Variants in RAD18 observed in about 807,000 individuals in gnomAD.
RAD18 encodes the protein RAD18 E3 ubiquitin protein ligase, also known as E3 ubiquitin-protein ligase RAD18.
In RAD18, 47 loss-of-function variants were observed where a neutral mutation model predicts 60.4. That is an observed-to-expected ratio of 0.78 (90% CI 0.62 to 0.99). RAD18 has a LOEUF of 0.99. RAD18 is among the 50% of genes least tolerant of loss of function. The pLI is 0.00. For missense variants in RAD18, 640 were observed against 593.3 expected (o/e 1.08, Z -0.82); for synonymous variants, 225 against 195.5 (o/e 1.15, Z -1.26).
intron 7 of RAD18, among the ~76,000 whole-genome samples, chr3:8,931,973 T>C (rs1334644807): frequency 6.6e-6 from 1 of 152,176 alleles, no homozygotes; most frequent in African/African-American, 2.4e-5. Flanking sequence ...CATTTGACAT[T>C]TACCTTCCAC....
At chr3:8,955,909 A>C (rs896732916) in intron 2 of RAD18, among the ~76,000 whole-genome samples, 4 of 152,182 alleles carry the variant, frequency 2.6e-5, no homozygotes, top group Non-Finnish European at 5.9e-5. Flanking sequence ...GGATGCCTAA[A>C]ACCACAGGTA....
In RAD18 at chr3:8,939,664, TAAAAAG is replaced by T; in HGVS notation, c.605-17_605-12del. On this transcript the variant is annotated splice_polypyrimidine_tract_variant and intron_variant, in intron 5 of 12. Transcript: ENST00000264926. ...AAACAGGACAATCCACTGTATTTTT[TAAAAAG>T]AAAAAGAGAGACTTTATTAATTGTA... 2 of 1,596,838 alleles carry T rather than the reference TAAAAAG, an allele frequency of 1.3e-6. No individual in the cohort carries two copies. Among genetic ancestry groups the T allele is most frequent in the Non-Finnish European group, 1.7e-6 (2 of 1,169,580 alleles).
chr3:8,913,527 C>T, intron 8 of RAD18, 117 bp downstream of exon 8: 1 of 678,436 alleles, frequency 1.5e-6, no homozygotes, highest in East Asian at 3.1e-5. Context: ...AATCATAATA[C>T]ACTAAGTGGA....
chr3:8,930,049 T>A (rs525708), intron 7 of RAD18, among the ~76,000 whole-genome samples: 1 of 151,998 alleles, frequency 6.6e-6, no homozygotes. Context: ...ATTACCATAC[T>A]ACTCAGCAAT....
Position 8,881,202 on chromosome 3 carries a change from C to T in RAD18, c.*155G>A, listed in dbSNP as rs1939455765. 1 of 627,966 alleles carries T rather than the reference C, an allele frequency of 1.6e-6. No individual in the cohort carries two copies. Among genetic ancestry groups the T allele is most frequent in the East Asian group, 3.0e-5 (1 of 33,094 alleles). The allele number at this position is 627,966 out of a possible 1,614,324, so 38.9% of individuals were successfully genotyped here. On this transcript the variant is annotated 3_prime_UTR_variant, in exon 13 of 13. Transcript: ENST00000264926. ...GTAAGGATATTTTGTAACATTTTTCCCCTCTGGAAAAGCAGAAAAGAATGA... is the reference window on the plus strand; with the variant it reads ...GTAAGGATATTTTGTAACATTTTTCTCCTCTGGAAAAGCAGAAAAGAATGA...
intron 10 of RAD18, among the ~76,000 whole-genome samples, chr3:8,899,255 T>G (rs1049066037): frequency 2.6e-5 from 4 of 152,176 alleles, no homozygotes; most frequent in African/African-American, 9.7e-5. Context: ...TTTTCCAAGA[T>G]TAATTAGTTT....
At chr3:8,925,396 C>T (rs190387510) in intron 7 of RAD18, among the ~76,000 whole-genome samples, 11,032 of 152,126 alleles carry the variant, frequency 0.073, 494 homozygotes, top group South Asian at 0.12. Flanking sequence ...CAATAACAGG[C>T]TCTGAAATTG....
chr3:8,879,644 C>T lies in RAD18; in HGVS notation c.*1713G>A, dbSNP rs1266210099. 6.6e-6 allele frequency: 1 copy of T among 152,332 alleles called. No individual in the cohort carries two copies. The highest frequency in any genetic ancestry group is 2.4e-5 in the African/African-American group (1 of 41,424). 9.4% of individuals were successfully genotyped at this position (152,332 alleles called of 1,614,324 possible). A position where few individuals can be genotyped will look rare whatever the true frequency, so the allele number is the denominator to read the frequency against. ...ACTGGTAGTACCCCTCACCACCCTC[C>T]ACCTCCAAAAGTGTCTCCACACATT... On this transcript the variant is annotated 3_prime_UTR_variant, in exon 13 of 13. Coordinates refer to ENST00000264926, the MANE Select transcript of RAD18 (RefSeq NM_020165.4).
At chr3:8,940,312 T>C (rs45493298) in intron 5 of RAD18, among the ~76,000 whole-genome samples, 316 of 152,288 alleles carry the variant, frequency 2.1e-3, no homozygotes, top group African/African-American at 7.3e-3. Context: ...ATTTTATACG[T>C]TATGGTTTAT....
At chr3:8,963,217 G>A (rs1287412460) in intron 1 of RAD18, 118 bp downstream of exon 1, 1 of 1,154,086 alleles carries the variant, frequency 8.7e-7, no homozygotes, top group Non-Finnish European at 1.2e-6. Flanking sequence ...CCGGATACCC[G>A]GGCCCAGTGC....
At chr3:8,961,540 C>G (rs921494080) in intron 1 of RAD18, among the ~76,000 whole-genome samples, 1 of 152,162 alleles carries the variant, frequency 6.6e-6, no homozygotes, top group African/African-American at 2.4e-5. Context: ...AGTCAGACTT[C>G]TATTCAATAA....
chr3:8,912,673 A>G (rs1206807255), intron 8 of RAD18, among the ~76,000 whole-genome samples: 1 of 150,184 alleles, frequency 6.7e-6, no homozygotes, highest in Non-Finnish European at 1.5e-5. Flanking sequence ...TTAATACAAC[A>G]GGCAATATTT....
intron 12 of RAD18, among the ~76,000 whole-genome samples, chr3:8,884,090 G>A (rs1321988902): frequency 6.6e-6 from 1 of 152,164 alleles, no homozygotes; most frequent in Non-Finnish European, 1.5e-5. Context: ...CTTTAAAGGG[G>A]CTCCAACCCC....
rs752025834 is a variant in RAD18, at chr3:8,912,331, A to G, written c.1008T>C (p.Asp336=). 8 of 1,567,912 alleles carry G rather than the reference A, an allele frequency of 5.1e-6. No homozygotes were observed. In the South Asian group the frequency reaches 6.1e-5, roughly 12 times the overall value. The part of the protein sequence containing the change: ...FTKDQTEKEI[D]EIHSKYRKKH... ...ACTTACGATATTTACTGTGGATTTC[A>G]TCTATTTCCTTTTCTGTTTGGTCCT... Residue 336 remains aspartate (D), a synonymous_variant, in exon 9 of 13, where the codon GAT becomes GAC. Transcript: ENST00000264926.
intron 4 of RAD18, among the ~76,000 whole-genome samples, chr3:8,944,015 TG>T (rs564495040): frequency 2.8e-4 from 42 of 152,212 alleles, no homozygotes; most frequent in Non-Finnish European, 5.4e-4. Context: ...AGCCAAACAT[TG>T]GTTCTTTGAA....
chr3:8,901,803 T>C (rs1342011879), intron 10 of RAD18, among the ~76,000 whole-genome samples: 1 of 152,226 alleles, frequency 6.6e-6, no homozygotes, highest in Non-Finnish European at 1.5e-5. Flanking sequence ...AGATAAACAT[T>C]GTGTTATGTA....
intron 1 of RAD18, among the ~76,000 whole-genome samples, chr3:8,960,147 A>C (rs530007943): frequency 1.2e-4 from 19 of 152,136 alleles, no homozygotes; most frequent in Non-Finnish European, 2.4e-4. Context: ...TGTCTATAAA[A>C]AATTTAAAAA....
At chr3:8,886,517 T>A (rs1215414112) in intron 12 of RAD18, among the ~76,000 whole-genome samples, 2 of 152,192 alleles carry the variant, frequency 1.3e-5, no homozygotes, top group Non-Finnish European at 2.9e-5. Flanking sequence ...TACACTCAGA[T>A]CCCATAAACA....
At chr3:8,958,545 A>C (rs1399781662) in intron 2 of RAD18, among the ~76,000 whole-genome samples, 1 of 152,230 alleles carries the variant, frequency 6.6e-6, no homozygotes, top group East Asian at 1.9e-4. Context: ...CAGATTTTTA[A>C]ACTTTGAAAT....
Sources: allele counts gnomAD v4.1 joint callset (sites outside exome capture counted in the v4.1 genomes callset), GRCh38; gene constraint gnomAD v4.1.1; transcripts MANE v1.5; gene names NCBI Gene and HGNC (gene_info 2026-07-23, HGNC 2026-07-21).